ACSS3: variants seen among roughly 807,000 people sequenced by gnomAD.
The protein encoded by ACSS3 is acyl-CoA synthetase short chain family member 3.
ACSS3 carries 64 observed loss-of-function variants against 84.2 expected under a neutral mutation model. The ratio of observed to expected loss-of-function variants is 0.76; its 90% CI spans 0.62 to 0.94. The LOEUF is 0.94. Among genes scored for constraint, ACSS3 ranks in the 40% least tolerant of loss-of-function variants. ACSS3 has a pLI of 0.00. For synonymous variants in ACSS3, 317 were observed against 310.1 expected, an observed-to-expected ratio of 1.02 and a Z score of -0.23; for missense variants, 815 against 867.6, an observed-to-expected ratio of 0.94 and a Z score of 0.76.
chr12:81,238,526 T>C (rs1321820798), intron 13 of ACSS3, among the ~76,000 whole-genome samples: 1 of 151,834 alleles, frequency 6.6e-6, no homozygotes, highest in East Asian at 1.9e-4. Context: ...AGTTTATTAA[T>C]TGTTGATCTA....
At chr12:81,219,875 A>G in intron 10 of ACSS3, 138 bp from the exon 11 acceptor site, 1 of 450,456 alleles carries the variant, frequency 2.2e-6, no homozygotes, top group Non-Finnish European at 3.8e-6. Flanking sequence ...TTTAGTTTAT[A>G]TTTGTTCATG....
chr12:81,137,354 CA>C (rs1211636443), intron 3 of ACSS3, among the ~76,000 whole-genome samples: 2 of 151,346 alleles, frequency 1.3e-5, no homozygotes, highest in Non-Finnish European at 2.9e-5. Context: ...CACACACACA[CA>C]CACACACACC....
intron 2 of ACSS3, among the ~76,000 whole-genome samples, chr12:81,126,709 A>C (rs1396936728): frequency 1.3e-5 from 2 of 152,140 alleles, no homozygotes; most frequent in Non-Finnish European, 2.9e-5. Flanking sequence ...AGATTATTGA[A>C]ATACTGATTA....
chr12:81,139,399 A>C (rs2121575925), intron 4 of ACSS3, 134 bp downstream of exon 4: 1 of 1,030,320 alleles, frequency 9.7e-7, no homozygotes, highest in African/African-American at 1.6e-5. Context: ...ATTTCTAAAA[A>C]ATATATGAAT....
chr12:81,109,549 T>C lies in ACSS3; in HGVS notation c.312-11T>C, dbSNP rs139156547. 1.3e-4 allele frequency: 215 copies of C among 1,599,660 alleles called. 1 individual carries two copies. In the African/African-American group the frequency reaches 2.2e-3, roughly 16 times the overall value. Reference sequence around the variant, plus strand: ...GCCATCATTCACCTTTACTTTCCAATTATTTTTCAGGTTTGTGGAAGGAAT... The same window carrying C: ...GCCATCATTCACCTTTACTTTCCAACTATTTTTCAGGTTTGTGGAAGGAAT... On this transcript the variant is annotated splice_polypyrimidine_tract_variant and intron_variant, in intron 1 of 15. Coordinates refer to ENST00000548058, the MANE Select transcript of ACSS3 (RefSeq NM_024560.4).
chr12:81,094,344 A>G (rs1045659504), intron 1 of ACSS3: 6 of 152,204 alleles, frequency 3.9e-5, no homozygotes, highest in African/African-American at 1.2e-4. Flanking sequence ...AATAAAGATA[A>G]TAACTTAGAG....
chr12:81,123,062 T>TAA (rs34274382), intron 2 of ACSS3, among the ~76,000 whole-genome samples: 39 of 151,738 alleles, frequency 2.6e-4, no homozygotes, highest in East Asian at 1.6e-3. Flanking sequence ...GCATTTGCAG[T>TAA]AAAAAAAATC....
intron 9 of ACSS3, among the ~76,000 whole-genome samples, chr12:81,214,603 G>A (rs1376729573): frequency 6.6e-6 from 1 of 152,158 alleles, no homozygotes; most frequent in Non-Finnish European, 1.5e-5. Context: ...ATCTCAGGAG[G>A]TTCGTATATC....
At chr12:81,198,299 G>A (rs145393182) in intron 8 of ACSS3, among the ~76,000 whole-genome samples, 2,736 of 152,076 alleles carry the variant, frequency 0.018, 28 homozygotes, top group Non-Finnish European at 0.028. Context: ...TGCAGTGTGG[G>A]AAATAGACAA....
chr12:81,161,483 A>G (rs1378059198), intron 7 of ACSS3, among the ~76,000 whole-genome samples: 2 of 152,216 alleles, frequency 1.3e-5, no homozygotes, highest in Non-Finnish European at 2.9e-5. Context: ...TTTGATGGGC[A>G]TTATCATTGC....
intron 1 of ACSS3, among the ~76,000 whole-genome samples, chr12:81,103,148 T>A (rs1442125583): frequency 1.3e-5 from 2 of 152,194 alleles, no homozygotes; most frequent in African/African-American, 4.8e-5. Flanking sequence ...TGGAATATTA[T>A]GCCATCATTA....
At chr12:81,113,625 A>G (rs1357234892) in intron 2 of ACSS3, among the ~76,000 whole-genome samples, 1 of 152,136 alleles carries the variant, frequency 6.6e-6, no homozygotes, top group Non-Finnish European at 1.5e-5. Flanking sequence ...GAGTCAATGA[A>G]AGAATAAATG....
At chr12:81,247,531 T>C (rs2034021376) in intron 13 of ACSS3, among the ~76,000 whole-genome samples, 2 of 152,080 alleles carry the variant, frequency 1.3e-5, no homozygotes, top group South Asian at 4.1e-4. Flanking sequence ...TCTTGGAGTA[T>C]TTAGGGTGCA....
intron 9 of ACSS3, among the ~76,000 whole-genome samples, chr12:81,208,195 C>T (rs1003347723): frequency 1.3e-5 from 2 of 152,156 alleles, no homozygotes; most frequent in African/African-American, 4.8e-5. Flanking sequence ...TAATATGATT[C>T]AGCAGTACTA....
At chr12:81,179,290 G>A (rs201158821) in intron 8 of ACSS3, among the ~76,000 whole-genome samples, 2,002 of 91,046 alleles carry the variant, frequency 0.022, no homozygotes, top group East Asian at 0.047. Context: ...AAAAAAAAAA[G>A]AAAAAGAAAA....
intron 2 of ACSS3, among the ~76,000 whole-genome samples, chr12:81,120,353 G>A (rs1484866411): frequency 6.6e-6 from 1 of 152,184 alleles, no homozygotes; most frequent in Non-Finnish European, 1.5e-5. Context: ...AAGTGGAAGT[G>A]AGGAGAGCTG....
intron 2 of ACSS3, among the ~76,000 whole-genome samples, chr12:81,126,167 C>A (rs774952346): frequency 1.1e-4 from 16 of 152,332 alleles, no homozygotes; most frequent in African/African-American, 3.4e-4. Context: ...TTTTCTCTCT[C>A]TATACTAAAC....
At position 81,253,315 on chromosome 12, in the gene ACSS3, T is replaced by C. The variant is rs201030841; in HGVS notation, c.1728T>C (p.Leu576=). 4.3e-6 allele frequency: 7 copies of C among 1,613,810 alleles called. No homozygotes were observed. In the East Asian group the frequency reaches 1.6e-4, roughly 36 times the overall value. Residue 576 remains leucine, a synonymous_variant, in exon 14 of 16, where the codon CTT becomes CTC. Transcript: ENST00000548058. ...ISAGAIEESI[L]SHGTVADCAV... The stretch of plus-strand genomic sequence containing the variant: ...GCCTTTCCTTATTACAGTCAATCCT[T>C]TCCCATGGTACCGTGGCAGACTGTG...
At chr12:81,103,441 T>C (rs1882697944) in intron 1 of ACSS3, among the ~76,000 whole-genome samples, 1 of 152,290 alleles carries the variant, frequency 6.6e-6, no homozygotes, top group Admixed American at 6.5e-5. Context: ...TTATTTAAAA[T>C]GAAATAAGAA....
Sources: gnomAD v4.1 joint callset for allele counts (sites outside exome capture counted in the v4.1 genomes callset) on GRCh38, gnomAD v4.1.1 for gene constraint, MANE v1.5 for transcripts, NCBI Gene and HGNC (gene_info 2026-07-23, HGNC 2026-07-21) for gene names.